Variants in ZNF326 observed in about 807,000 individuals in gnomAD.
ZNF326 encodes the protein zinc finger protein 326, also known as DBIRD complex subunit ZNF326.
In ZNF326, 30 loss-of-function variants were observed where a neutral mutation model predicts 63.1. The observed-to-expected ratio is 0.48, with a 90% CI of 0.36 to 0.64. ZNF326 has a LOEUF of 0.64. Ranked by LOEUF, ZNF326 falls within the 30% of genes least tolerant of loss-of-function variation. ZNF326 has a pLI of 0.00. For synonymous variants in ZNF326, 194 were observed against 228.2 expected (o/e 0.85, Z 1.35); for missense variants, 609 against 720.3 (o/e 0.85, Z 1.77).
intron 7 of ZNF326, among the ~76,000 whole-genome samples, chr1:90,015,901 A>C (rs889841472): frequency 5.3e-5 from 8 of 152,160 alleles, no homozygotes; most frequent in Non-Finnish European, 8.8e-5. Context: ...TGAAAGGTAT[A>C]ATCTAATTTA....
intron 4 of ZNF326, among the ~76,000 whole-genome samples, chr1:90,006,686 G>T (rs984339166): frequency 8.5e-5 from 13 of 152,134 alleles, no homozygotes; most frequent in Non-Finnish European, 1.0e-4. Context: ...TGTTTTATCT[G>T]TTTATCCTTC....
At position 90,018,742 on chromosome 1, in the gene ZNF326, C is replaced by A; in HGVS notation, c.1132C>A (p.Gln378Lys). The A allele has an allele frequency of 1.3e-6, 2 of 1,578,826 alleles. No individual in the cohort carries two copies. The highest frequency in any genetic ancestry group is 1.2e-5 in the South Asian group (1 of 85,892). ...TSIRKQQTNN[Q>K]TEVVKIIEKD... ...TATTCGTAAGCAACAGACAAATAAT[C>A]AAACAGAAGTAGTTAAAATAATTGA... The change falls in exon 9 of 12, where the codon CAA (glutamine) becomes AAA (lysine). Residue 378 changes from glutamine to lysine, a missense_variant. This residue lies in a region of ZNF326 where 399 missense variants were observed against 444.3 expected (regional missense o/e 0.90). Coordinates refer to ENST00000340281, the MANE Select transcript of ZNF326 (RefSeq NM_182976.4).
intron 9 of ZNF326, 36 bp from the exon 10 acceptor site, chr1:90,020,756 T>C (rs371264861): frequency 3.7e-5 from 59 of 1,579,906 alleles, no homozygotes; most frequent in Non-Finnish European, 5.0e-5. Flanking sequence ...AAATAACATA[T>C]GAATTATTTC....
At chr1:90,024,887 TTTA>T (rs1396219701) in intron 11 of ZNF326, among the ~76,000 whole-genome samples, 10 of 152,142 alleles carry the variant, frequency 6.6e-5, no homozygotes, top group African/African-American at 2.4e-4. Flanking sequence ...TTCCTTCACC[TTTA>T]TTATTTGTGA....
At chr1:90,008,775 G>A (rs980759566) in intron 5 of ZNF326, among the ~76,000 whole-genome samples, 6 of 152,270 alleles carry the variant, frequency 3.9e-5, no homozygotes, top group African/African-American at 1.4e-4. Context: ...TGTTATACTT[G>A]TGTAGAAATT....
At chr1:90,022,890 A>C (rs1216901170) in intron 11 of ZNF326, among the ~76,000 whole-genome samples, 1 of 152,214 alleles carries the variant, frequency 6.6e-6, no homozygotes, top group Non-Finnish European at 1.5e-5. Context: ...AATTGCATAA[A>C]TCATTCCTTT....
chr1:90,012,584 T>A (rs990857533), intron 6 of ZNF326, among the ~76,000 whole-genome samples: 3 of 152,198 alleles, frequency 2.0e-5, no homozygotes, highest in Admixed American at 1.3e-4. Flanking sequence ...CTAGTAAATC[T>A]TATGTTTTGT....
Position 90,005,109 on chromosome 1 carries a change from T to C in ZNF326, c.98-24T>C, listed in dbSNP as rs567627495. ...CCAGTAAAGGTGAGCATCATATAAC[T>C]TTTTTCTTTTTAAACTCTTATAGGG... On this transcript the variant is annotated intron_variant, in intron 3 of 11. Coordinates refer to ENST00000340281, the MANE Select transcript of ZNF326 (RefSeq NM_182976.4). 1.9e-6 allele frequency: 3 copies of C among 1,613,862 alleles called. No homozygotes were observed. In the South Asian group the frequency reaches 3.3e-5, roughly 18 times the overall value.
rs79891283 is a variant in ZNF326, at chr1:90,020,637, T to G, written c.1175-155T>G. On this transcript the variant is annotated intron_variant, in intron 9 of 11. Transcript: ENST00000340281. ...TAGTAAATCTACATATGTAGATTTA[T>G]GAGATGTGGTAGAAATACTCAGCAT... is the stretch of plus-strand genomic sequence containing the variant. Among the ~76,000 whole-genome samples the G allele has an allele frequency of 6.6e-3, 1,012 of 152,202 alleles. 11 individuals carry two copies. Among genetic ancestry groups the G allele is most frequent in the African/African-American group, 0.023 (957 of 41,572 alleles).
intron 2 of ZNF326, among the ~76,000 whole-genome samples, chr1:90,000,644 G>T (rs537248404): frequency 6.6e-6 from 1 of 152,332 alleles, no homozygotes; most frequent in Admixed American, 6.5e-5. Context: ...GGTGGAGGCT[G>T]CAGTGAGCTA....
chr1:90,013,271 A>T (rs1649342491), intron 7 of ZNF326, 34 bp downstream of exon 7: 3 of 1,441,812 alleles, frequency 2.1e-6, no homozygotes, highest in African/African-American at 2.9e-5. Flanking sequence ...TAGGTTCATT[A>T]AAAAATGATT....
intron 4 of ZNF326, chr1:90,005,639 T>C (rs1648952729): frequency 1.0e-6 from 1 of 966,606 alleles, no homozygotes; most frequent in African/African-American, 1.8e-5. Flanking sequence ...TGGGGTGCTA[T>C]GTAAATTAGC....
intron 2 of ZNF326, among the ~76,000 whole-genome samples, chr1:90,001,720 A>AT (rs1050182215): frequency 6.6e-6 from 1 of 151,496 alleles, no homozygotes; most frequent in African/African-American, 2.4e-5. Flanking sequence ...TGCCTGGCTA[A>AT]TTTTTTTTGT....
At chr1:90,002,932 C>G (rs1648759558) in intron 2 of ZNF326, among the ~76,000 whole-genome samples, 1 of 152,002 alleles carries the variant, frequency 6.6e-6, no homozygotes, top group Non-Finnish European at 1.5e-5. Flanking sequence ...AGTTTTATGG[C>G]ACAATATTTA....
intron 8 of ZNF326, among the ~76,000 whole-genome samples, chr1:90,018,265 C>A (rs1570314436): frequency 1.3e-5 from 2 of 150,616 alleles, no homozygotes; most frequent in East Asian, 3.9e-4. Flanking sequence ...GGACTCCAGC[C>A]TGGGTGACAG....
chr1:90,011,398 A>G (rs1649225054), intron 6 of ZNF326, among the ~76,000 whole-genome samples: 1 of 152,182 alleles, frequency 6.6e-6, no homozygotes, highest in African/African-American at 2.4e-5. Context: ...TAGTTTTAGC[A>G]TATGAAAGGA....
chr1:90,009,658 A>G (rs1327727413), intron 5 of ZNF326, among the ~76,000 whole-genome samples: 1 of 152,102 alleles, frequency 6.6e-6, no homozygotes, highest in Non-Finnish European at 1.5e-5. Flanking sequence ...TCAAACTACA[A>G]ATATGGTCTT....
At chr1:90,013,313 A>G in intron 7 of ZNF326, 76 bp downstream of exon 7, 1 of 1,121,718 alleles carries the variant, frequency 8.9e-7, no homozygotes, top group South Asian at 2.0e-5. Flanking sequence ...CAATTGTAAT[A>G]TTAAAAAGTT....
At chr1:90,019,192 T>C (rs2101084420) in intron 9 of ZNF326, among the ~76,000 whole-genome samples, 1 of 151,978 alleles carries the variant, frequency 6.6e-6, no homozygotes, top group Non-Finnish European at 1.5e-5. Context: ...AAACAAGAAC[T>C]AACCAAACAA....
Sources: allele counts gnomAD v4.1 joint callset (sites outside exome capture counted in the v4.1 genomes callset), GRCh38; gene constraint gnomAD v4.1.1; regional missense constraint gnomAD v4.1.1; transcripts MANE v1.5; gene names NCBI Gene and HGNC (gene_info 2026-07-23, HGNC 2026-07-21).